Variants in SNAP29 observed in about 807,000 individuals in gnomAD.
SNAP29 encodes the protein synaptosomal-associated protein 29.
In SNAP29, 13 loss-of-function variants were observed where a neutral mutation model predicts 27.9. That is an observed-to-expected ratio of 0.47 (90% confidence interval 0.30 to 0.74). The LOEUF (loss-of-function observed/expected upper bound fraction) is 0.74. Ranked by LOEUF, SNAP29 falls within the 30% of genes least tolerant of loss-of-function variation. The pLI, the probability that SNAP29 is intolerant of heterozygous loss-of-function variation, is 0.06. For missense variants in SNAP29, 368 were observed against 336.5 expected, an observed-to-expected ratio of 1.09 and a Z score of -0.73; for synonymous variants, 119 against 127.1, an observed-to-expected ratio of 0.94 and a Z score of 0.43.
intron 2 of SNAP29, among the ~76,000 whole-genome samples, chr22:20,879,300 C>A (rs1243961469): frequency 1.9e-4 from 28 of 148,474 alleles, no homozygotes; most frequent in Non-Finnish European, 3.9e-4. Context: ...GAGTGAGACT[C>A]CATCTCAAAA....
At chr22:20,864,756 G>A (rs908246816) in intron 1 of SNAP29, among the ~76,000 whole-genome samples, 7 of 152,222 alleles carry the variant, frequency 4.6e-5, no homozygotes, top group South Asian at 2.1e-4. Context: ...GTCCTTAAGC[G>A]TTATTGGCGC....
Position 20,888,093 on chromosome 22 carries a change from A to C in SNAP29, c.*257A>C. 4.2e-6 allele frequency: 2 copies of C among 478,172 alleles called. No homozygotes were observed. The highest frequency in any genetic ancestry group is 2.1e-5 in the South Asian group (1 of 47,198). 29.6% of individuals were successfully genotyped at this position (478,172 alleles called of 1,614,324 possible). ...TCTGAGCACAGTAGCCTGGCCCTGC[A>C]TATCTTGGGCGTTTGATTACCATGC... is the stretch of plus-strand genomic sequence containing the variant. On this transcript the variant is annotated 3_prime_UTR_variant, in exon 5 of 5. Coordinates refer to ENST00000215730, the MANE Select transcript of SNAP29 (RefSeq NM_004782.4).
At chr22:20,869,603 G>C (rs1928537984) in intron 1 of SNAP29, among the ~76,000 whole-genome samples, 1 of 152,216 alleles carries the variant, frequency 6.6e-6, no homozygotes, top group Non-Finnish European at 1.5e-5. Flanking sequence ...AGGTGGCCCA[G>C]TGGGAACTCC....
intron 2 of SNAP29, among the ~76,000 whole-genome samples, chr22:20,877,608 C>A (rs1444510094): frequency 2.6e-5 from 4 of 151,758 alleles, no homozygotes; most frequent in African/African-American, 9.7e-5. Flanking sequence ...CCCAGCTACT[C>A]AGGAGGCTGA....
At position 20,865,536 on chromosome 22, in the gene SNAP29, G is replaced by A. The variant is rs374717329; in HGVS notation, c.238-4801G>A. On this transcript the variant is annotated intron_variant, in intron 1 of 4. Coordinates refer to ENST00000215730, the MANE Select transcript of SNAP29 (RefSeq NM_004782.4). The stretch of plus-strand genomic sequence containing the variant: ...TGCTTTGCTGACCAGGAAACATGCT[G>A]TGACAAGCTGAGCGGCCATCTGCTA... Among the ~76,000 whole-genome samples the A allele has an allele frequency of 1.3e-4, 20 of 152,160 alleles. No homozygotes were observed. The East Asian group carries it at 1.5e-3, about 12-fold the overall frequency.
At chr22:20,881,295 G>A (rs374448971) in intron 3 of SNAP29, among the ~76,000 whole-genome samples, 161 bp downstream of exon 3, 22 of 152,200 alleles carry the variant, frequency 1.4e-4, no homozygotes, top group Non-Finnish European at 2.9e-4. Flanking sequence ...TAGGGACCCC[G>A]CATGCTCTTG....
At chr22:20,880,102 A>G (rs1386127499) in intron 2 of SNAP29, among the ~76,000 whole-genome samples, 1 of 152,148 alleles carries the variant, frequency 6.6e-6, no homozygotes. Flanking sequence ...TTGAGGTTCT[A>G]AGTTTGTCAT....
intron 2 of SNAP29, 25 bp downstream of exon 2, chr22:20,870,558 GTATA>G (rs1569116828): frequency 1.2e-6 from 2 of 1,605,548 alleles, no homozygotes; most frequent in East Asian, 4.5e-5. Flanking sequence ...TACCATCTGG[GTATA>G]AAGGAGCAGA....
Position 20,859,063 on chromosome 22 carries a change from A to G in SNAP29, c.-48A>G, listed in dbSNP as rs1234996346. The G allele has an allele frequency of 4.0e-6, 6 of 1,485,978 alleles. No homozygotes were observed. The highest frequency in any genetic ancestry group is 5.6e-6 in the Non-Finnish European group (6 of 1,077,040). 92.0% of individuals were successfully genotyped at this position (1,485,978 alleles called of 1,614,324 possible). ...GGGCGAGGCCCTGGACGGCGGCGGC[A>G]GTGGGGCTCCTCCTTCTGTTTCCCA... is the stretch of plus-strand genomic sequence containing the variant. On this transcript the variant is annotated 5_prime_UTR_variant, in exon 1 of 5. Coordinates refer to ENST00000215730, the MANE Select transcript of SNAP29 (RefSeq NM_004782.4).
rs532316531 is a variant in SNAP29 at position 20,890,317 on chromosome 22, A to C, written c.*2481A>C. ...AGACACATTTCATGGAGACAAGCAA[A>C]ATGGTGCCAGGGCTGGGCTGACTGT... is the stretch of plus-strand genomic sequence containing the variant. On this transcript the variant is annotated 3_prime_UTR_variant, in exon 5 of 5. Transcript: ENST00000215730. 3 of 398,484 alleles carry C rather than the reference A, an allele frequency of 7.5e-6. No individual in the cohort carries two copies. The highest frequency in any genetic ancestry group is 1.3e-5 in the Non-Finnish European group (3 of 226,068). 24.7% of individuals were successfully genotyped at this position (398,484 alleles called of 1,614,324 possible). A position where few individuals can be genotyped will look rare whatever the true frequency, so the allele number is the denominator to read the frequency against.
intron 2 of SNAP29, among the ~76,000 whole-genome samples, chr22:20,875,707 C>T (rs1035306248): frequency 6.6e-6 from 1 of 152,202 alleles, no homozygotes; most frequent in African/African-American, 2.4e-5. Flanking sequence ...GTTATCCCAA[C>T]ATTTTATAAG....
intron 1 of SNAP29, among the ~76,000 whole-genome samples, chr22:20,864,591 G>A (rs1236783038): frequency 6.6e-6 from 1 of 152,198 alleles, no homozygotes; most frequent in Non-Finnish European, 1.5e-5. Flanking sequence ...TGGTGATACT[G>A]ATGCAGCCAG....
chr22:20,863,593 T>C (rs942677266), intron 1 of SNAP29, among the ~76,000 whole-genome samples: 3 of 152,134 alleles, frequency 2.0e-5, no homozygotes, highest in African/African-American at 7.2e-5. Context: ...GCCGACCTGG[T>C]AGGCGCTTTG....
chr22:20,873,408 C>T (rs1483121027), intron 2 of SNAP29, among the ~76,000 whole-genome samples: 1 of 151,918 alleles, frequency 6.6e-6, no homozygotes, highest in Non-Finnish European at 1.5e-5. Context: ...ACTAGTGTGG[C>T]CACCACCCAG....
At position 20,890,515 on chromosome 22, in the gene SNAP29, T is replaced by G; in HGVS notation, c.*2679T>G. ...GCTCATGCCTGTAATCCCAGTGCTTTGGGAGGCCAAGGCGGGGGGATCACG... is the reference window on the plus strand; with the variant it reads ...GCTCATGCCTGTAATCCCAGTGCTTGGGGAGGCCAAGGCGGGGGGATCACG... On this transcript the variant is annotated 3_prime_UTR_variant, in exon 5 of 5. Coordinates refer to ENST00000215730, the MANE Select transcript of SNAP29 (RefSeq NM_004782.4). The G allele has an allele frequency of 2.6e-6, 1 of 388,822 alleles. No individual in the cohort carries two copies. Among genetic ancestry groups the G allele is most frequent in the Non-Finnish European group, 4.5e-6 (1 of 220,378 alleles). The allele number at this position is 388,822 out of a possible 1,614,324, so 24.1% of individuals were successfully genotyped here.
chr22:20,878,074 T>C (rs1044135488), intron 2 of SNAP29, among the ~76,000 whole-genome samples: 6 of 152,194 alleles, frequency 3.9e-5, no homozygotes, highest in Non-Finnish European at 7.3e-5. Flanking sequence ...GCAAAACCCT[T>C]AGCTTGCGGG....
chr22:20,884,287 G>A (rs1304167295), intron 4 of SNAP29, among the ~76,000 whole-genome samples: 9 of 150,660 alleles, frequency 6.0e-5, no homozygotes, highest in African/African-American at 2.0e-4. Context: ...AGCCAAGATC[G>A]CACCATTGCA....
At chr22:20,860,665 C>T (rs1327285666) in intron 1 of SNAP29, among the ~76,000 whole-genome samples, 2 of 151,962 alleles carry the variant, frequency 1.3e-5, no homozygotes, top group Admixed American at 6.6e-5. Context: ...GCCACCATAC[C>T]GGTCGAGAAT....
rs553692119 is a variant in SNAP29 at position 20,879,440 on chromosome 22, G to C, written c.435-1609G>C. Among the ~76,000 whole-genome samples the C allele has an allele frequency of 3.7e-4, 56 of 152,176 alleles. 1 individual carries two copies. The highest frequency in any genetic ancestry group is 1.3e-3 in the African/African-American group (55 of 41,488). On this transcript the variant is annotated intron_variant, in intron 2 of 4. Transcript: ENST00000215730. ...TGTAATCCCAGCTACTCAGGAGGCT[G>C]AGGCAGAAGAATAGCTTGAACCCGG...
Sources: gnomAD v4.1 joint callset for allele counts (sites outside exome capture counted in the v4.1 genomes callset) on GRCh38, gnomAD v4.1.1 for gene constraint, MANE v1.5 for transcripts, NCBI Gene and HGNC (gene_info 2026-07-23, HGNC 2026-07-21) for gene names.